Variants in CUL9 observed in about 807,000 individuals in gnomAD.
CUL9 encodes the protein cullin 9.
A neutral mutation model predicts 272.6 loss-of-function variants in CUL9; 79 were observed. The ratio of observed to expected loss-of-function variants is 0.29; its 90% CI spans 0.24 to 0.35. The LOEUF (loss-of-function observed/expected upper bound fraction) is 0.35, where lower values mean the gene tolerates loss of function less well. Among genes scored for constraint, CUL9 ranks in the 10% least tolerant of loss-of-function variants. The pLI, the probability that CUL9 is intolerant of heterozygous loss-of-function variation, is 1.00. For synonymous variants in CUL9, 1,186 were observed against 1,286.5 expected (o/e 0.92, Z 1.67); for missense variants, 2,532 against 3,255.6 (o/e 0.78, Z 5.41).
chr6:43,188,081 G>A lies in CUL9; in HGVS notation c.1950G>A (p.Gly650=). The change falls in exon 7 of 41, where the codon GGG becomes GGA. Residue 650 remains glycine (G), a synonymous_variant. Coordinates refer to ENST00000252050, the MANE Select transcript of CUL9 (RefSeq NM_015089.4). ...TTAACCAGCTTCTGGTGACTGAGGG[G>A]ATGACCCTGCCCACTGAGATGAAGG... ...QLFNQLLVTE[G]MTLPTEMKEA... 6.2e-7 allele frequency: 1 copy of A among 1,613,920 alleles called. No individual in the cohort carries two copies.
chr6:43,186,131 C>G lies in CUL9; in HGVS notation c.927C>G (p.Leu309=). The G allele has an allele frequency of 1.2e-6, 2 of 1,614,258 alleles. No homozygotes were observed. Among genetic ancestry groups the G allele is most frequent in the Non-Finnish European group, 8.5e-7 (1 of 1,180,050 alleles). The change falls in exon 4 of 41, where the codon CTC becomes CTG. Residue 309 remains leucine (L), a synonymous_variant. Coordinates refer to ENST00000252050, the MANE Select transcript of CUL9 (RefSeq NM_015089.4). ...AGTTCAGCATGGCTGTGGGCAACCTCATCTCTGAGCTTGTGCGGAGCATGG... is the reference window on the plus strand; with the variant it reads ...AGTTCAGCATGGCTGTGGGCAACCTGATCTCTGAGCTTGTGCGGAGCATGG... The part of the protein sequence containing the change: ...ELEFSMAVGN[L]ISELVRSMGW...
chr6:43,196,504 G>A, intron 10 of CUL9, 141 bp from the exon 11 acceptor site: 1 of 878,192 alleles, frequency 1.1e-6, no homozygotes, highest in Non-Finnish European at 1.9e-6. Context: ...AGTGGCCCAA[G>A]GTCAGGGGAT....
rs1773656607 is a variant in CUL9, at chr6:43,192,911, G to A, written c.2181-90G>A. 3.6e-6 allele frequency: 4 copies of A among 1,111,466 alleles called. No individual in the cohort carries two copies. The Admixed American group carries it at 7.3e-5, about 20-fold the overall frequency. The allele number at this position is 1,111,466 out of a possible 1,614,324, so 68.9% of individuals were successfully genotyped here. A position where few individuals can be genotyped will look rare whatever the true frequency, so the allele number is the denominator to read the frequency against. ...AGGATGGACTAGATCTTGGTGGATG[G>A]GATTGGTCAGGGAGTCCGACGGTGC... On this transcript the variant is annotated intron_variant, in intron 8 of 40. Transcript: ENST00000252050.
chr6:43,197,600 C>T (rs1293316105), intron 11 of CUL9, among the ~76,000 whole-genome samples: 4 of 151,924 alleles, frequency 2.6e-5, no homozygotes, highest in Admixed American at 1.3e-4. Flanking sequence ...TCTCCTGCCT[C>T]AGCCTCCTGA....
At position 43,223,098 on chromosome 6, in the gene CUL9, G is replaced by A. The variant is rs758932959; in HGVS notation, c.7151-166G>A. 1.9e-5 allele frequency: 21 copies of A among 1,077,570 alleles called. No homozygotes were observed. The highest frequency in any genetic ancestry group is 8.0e-5 in the African/African-American group (5 of 62,636). The allele number at this position is 1,077,570 out of a possible 1,614,324, so 66.8% of individuals were successfully genotyped here. A position where few individuals can be genotyped will look rare whatever the true frequency, so the allele number is the denominator to read the frequency against. ...AAGGTGCCCAAGGGCGCAGATGTTC[G>A]TGGATGTTTCTTGGTTTCTGGTCTT... is the stretch of plus-strand genomic sequence containing the variant. On this transcript the variant is annotated intron_variant, in intron 38 of 40. Coordinates refer to ENST00000252050, the MANE Select transcript of CUL9 (RefSeq NM_015089.4). The surrounding 1 kb of genome is among the most constrained non-coding windows in gnomAD (Gnocchi z 4.1).
chr6:43,186,971 G>C lies in CUL9; in HGVS notation c.1263G>C (p.Gln421His), dbSNP rs1353633107. The stretch of plus-strand genomic sequence containing the variant: ...CTCCCTCATACCAGGTTTTCTGGCA[G>C]TCGACAGGCCGCACTTACTGGGTGC... Reference protein sequence around the residue: ...NGIPPVQVFWQSTGRTYWVHW... With the variant: ...NGIPPVQVFWHSTGRTYWVHW... Residue 421 changes from glutamine (Q) to histidine (H), a missense_variant, in exon 5 of 41, where the codon CAG (glutamine) becomes CAC (histidine). By Grantham distance (24) the Gln-to-His change is conservative. Transcript: ENST00000252050. The C allele has an allele frequency of 1.2e-6, 2 of 1,613,898 alleles. No individual in the cohort carries two copies. Among genetic ancestry groups the C allele is most frequent in the African/African-American group, 2.7e-5 (2 of 74,904 alleles).
At chr6:43,201,696 G>A (rs1301666904) in intron 16 of CUL9, among the ~76,000 whole-genome samples, 1 of 152,164 alleles carries the variant, frequency 6.6e-6, no homozygotes, top group African/African-American at 2.4e-5. Flanking sequence ...AGTCAGGATG[G>A]TCTCGATCTC....
At chr6:43,185,409 A>G (rs552861687) in intron 2 of CUL9, 47 bp from the exon 3 acceptor site, 1 of 1,583,268 alleles carries the variant, frequency 6.3e-7, no homozygotes, top group African/African-American at 1.3e-5. Flanking sequence ...GGCAGGGAGA[A>G]AGTACTGGGG....
In CUL9 at chr6:43,186,205, C is replaced by G. The variant is rs537623008; in HGVS notation, c.1001C>G (p.Thr334Ser). The change falls in exon 4 of 41, where the codon ACC (threonine) becomes AGC (serine). Residue 334 changes from threonine (T) to serine (S), a missense_variant. Thr to Ser is a moderately conservative substitution (Grantham distance 58, BLOSUM62 1). Transcript: ENST00000252050. ...CAGGGCATGTCACCTCCCCGGCCAA[C>G]CCGGTCCATCTTTCAGCCCTACATT... ...SEQGMSPPRPTRSIFQPYISG... is the reference protein window; with the variant it reads ...SEQGMSPPRPSRSIFQPYISG... 6.2e-7 allele frequency: 1 copy of G among 1,614,244 alleles called. No homozygotes were observed. Among genetic ancestry groups the G allele is most frequent in the Admixed American group, 1.7e-5 (1 of 60,026 alleles).
Position 43,206,770 on chromosome 6 carries a change from A to G in CUL9, c.5212+260A>G, listed in dbSNP as rs1242065571. Among the ~76,000 whole-genome samples, 1 of 152,120 alleles carries G rather than the reference A, an allele frequency of 6.6e-6. No homozygotes were observed. Among genetic ancestry groups the G allele is most frequent in the African/African-American group, 2.4e-5 (1 of 41,434 alleles). On this transcript the variant is annotated intron_variant, in intron 26 of 40. Coordinates refer to ENST00000252050, the MANE Select transcript of CUL9 (RefSeq NM_015089.4). This position sits in a 1 kb window ranked among gnomAD's most constrained non-coding sequence, Gnocchi z 4.8. ...TTTTAGTCTTTTCAGACTTTTTTCC[A>G]AATAAAAGTGTTTAAGACTATTCAT... is the stretch of plus-strand genomic sequence containing the variant.
Position 43,200,059 on chromosome 6 carries a change from T to C in CUL9, c.3287T>C (p.Leu1096Pro), listed in dbSNP as rs765351004. The change falls in exon 14 of 41, where the codon CTG (leucine) becomes CCG (proline). Residue 1096 changes from leucine (L) to proline (P), a missense_variant. Physicochemically the swap from Leu to Pro is moderately conservative, Grantham distance 98. This residue lies in a region of CUL9 where 2,218 missense variants were observed against 2,788.6 expected (regional missense o/e 0.80). Transcript: ENST00000252050. The surrounding 1 kb of genome is among the most constrained non-coding windows in gnomAD (Gnocchi z 4.0). Reference protein sequence around the residue: ...KVLDKHSAQLLLGCELRDLVT... With the variant: ...KVLDKHSAQLPLGCELRDLVT... ...CTGGACAAGCACTCAGCTCAGCTGC[T>C]GCTGGGCTGTGAGCTTCGGGACCTG... 22 of 1,614,050 alleles carry C rather than the reference T, an allele frequency of 1.4e-5. No homozygotes were observed. The East Asian group carries it at 3.8e-4, about 28-fold the overall frequency.
Position 43,205,033 on chromosome 6 carries a change from G to A in CUL9, c.4550G>A (p.Gly1517Glu), listed in dbSNP as rs1774937408. ...HLQRAGSELF[G>E]PRAAFMLALR... Reference sequence around the variant, plus strand: ...CAGAGAGCAGGCTCCGAGCTGTTTGGGCCTCGGGCAGCCTTCATGCTGGCT... The same window carrying A: ...CAGAGAGCAGGCTCCGAGCTGTTTGAGCCTCGGGCAGCCTTCATGCTGGCT... Residue 1517 changes from glycine to glutamate, a missense_variant, in exon 23 of 41, where the codon GGG becomes GAG. Transcript: ENST00000252050. 6.2e-7 allele frequency: 1 copy of A among 1,612,886 alleles called. No individual in the cohort carries two copies. The highest frequency in any genetic ancestry group is 2.2e-5 in the East Asian group (1 of 44,878).
rs1184578356 is a variant in CUL9 at position 43,221,757 on chromosome 6, C to G, written c.6825C>G (p.Asp2275Glu). The G allele has an allele frequency of 6.2e-7, 1 of 1,613,080 alleles. No homozygotes were observed. Among genetic ancestry groups the G allele is most frequent in the Non-Finnish European group, 8.5e-7 (1 of 1,180,006 alleles). ...AGTCCTGGAAGCCAAATCACAAAGA[C>G]TATTACAACTGCTCTGCCATGGTAA... ...CLKSWKPNHK[D>E]YYNCSAMVSK... is the part of the protein sequence containing the mutation. Residue 2275 changes from aspartate to glutamate, a missense_variant, in exon 35 of 41, where the codon GAC (aspartate) becomes GAG (glutamate). Physicochemically the swap from Asp to Glu is conservative, Grantham distance 45 (BLOSUM62 2). Coordinates refer to ENST00000252050, the MANE Select transcript of CUL9 (RefSeq NM_015089.4). The surrounding 1 kb of genome is among the most constrained non-coding windows in gnomAD (Gnocchi z 4.2).
intron 37 of CUL9, 47 bp from the exon 38 acceptor site, chr6:43,222,732 G>T: frequency 6.2e-7 from 1 of 1,607,946 alleles, no homozygotes; most frequent in South Asian, 1.1e-5. Flanking sequence ...CCTGGGTGAA[G>T]GGAATGAGGA....
At chr6:43,189,484 C>T (rs112177478) in intron 8 of CUL9, among the ~76,000 whole-genome samples, 10,131 of 152,098 alleles carry the variant, frequency 0.067, 431 homozygotes, top group Admixed American at 0.095. Context: ...GCGTCCAGCC[C>T]TCTACTTTTA....
intron 9 of CUL9, among the ~76,000 whole-genome samples, chr6:43,194,293 CTCTTTTTTTTTCTTTTT>C (rs1412518573): frequency 3.3e-5 from 5 of 151,906 alleles, no homozygotes; most frequent in South Asian, 4.2e-4. Flanking sequence ...CTTCTCTTTT[CTCTTTTTTTTTCTTTTT>C]TCTTTTTTCT....
At chr6:43,198,276 T>G in intron 11 of CUL9, 1 of 985,000 alleles carries the variant, frequency 1.0e-6, no homozygotes, top group Non-Finnish European at 1.2e-6. Context: ...TTTTAGTCTG[T>G]GTACCTAAAG....
rs201133006 is a variant in CUL9 at position 43,213,188 on chromosome 6, G to T, written c.5252G>T (p.Arg1751Leu). The change falls in exon 27 of 41, where the codon CGA (arginine) becomes CTA (leucine). Residue 1751 changes from arginine (R) to leucine (L), a missense_variant. Physicochemically the swap from Arg to Leu is moderately radical, Grantham distance 102. Transcript: ENST00000252050. This position sits in a 1 kb window ranked among gnomAD's most constrained non-coding sequence, Gnocchi z 5.7. ...HPVLDMGPHR[R>L]LQWTWLGRAE... ...GTCCTGGACATGGGACCACATCGGC[G>T]ACTGCAGTGGACGTGGCTGGGCCGG... 3.1e-6 allele frequency: 5 copies of T among 1,614,010 alleles called. No individual in the cohort carries two copies. Among genetic ancestry groups the T allele is most frequent in the Non-Finnish European group, 4.2e-6 (5 of 1,180,034 alleles).
Position 43,213,961 on chromosome 6 carries a change from T to G in CUL9, c.5688+49T>G, listed in dbSNP as rs754073913. On this transcript the variant is annotated intron_variant, in intron 29 of 40. Transcript: ENST00000252050. This position sits in a 1 kb window ranked among gnomAD's most constrained non-coding sequence, Gnocchi z 5.7. ...GTTGGCGGAGGGAGGGAGTCATGCTTGGGATTGGGGATGAACACAGTGAAC... is the reference window on the plus strand; with the variant it reads ...GTTGGCGGAGGGAGGGAGTCATGCTGGGGATTGGGGATGAACACAGTGAAC... The G allele has an allele frequency of 6.3e-6, 10 of 1,586,038 alleles. No individual in the cohort carries two copies. In the African/African-American group the frequency reaches 1.2e-4, roughly 19 times the overall value.
Sources: allele counts gnomAD v4.1 joint callset (sites outside exome capture counted in the v4.1 genomes callset), GRCh38; gene constraint gnomAD v4.1.1; regional missense constraint gnomAD v4.1.1; non-coding constraint Gnocchi (gnomAD v3.1); transcripts MANE v1.5; gene names NCBI Gene and HGNC (gene_info 2026-07-23, HGNC 2026-07-21).